TBCE: variants seen among roughly 807,000 people sequenced by gnomAD.
TBCE encodes the protein tubulin-specific chaperone E.
In TBCE, 53 loss-of-function variants were observed where a neutral mutation model predicts 77.0. The ratio of observed to expected loss-of-function variants is 0.69; its 90% CI spans 0.55 to 0.87. The LOEUF (loss-of-function observed/expected upper bound fraction) is 0.87, where lower values mean the gene tolerates loss of function less well. Among genes scored for constraint, TBCE ranks in the 40% least tolerant of loss-of-function variants. The pLI is 0.00. For missense variants in TBCE, 624 were observed against 622.4 expected, an observed-to-expected ratio of 1.00 and a Z score of -0.03; for synonymous variants, 235 against 241.3, an observed-to-expected ratio of 0.97 and a Z score of 0.24.
intron 15 of TBCE, 95 bp downstream of exon 15, chr1:235,443,006 T>C: frequency 8.1e-7 from 1 of 1,233,206 alleles, no homozygotes. Context: ...TGTCTCAAAG[T>C]GTGGACCTCA....
chr1:235,450,139 C>T lies in TBCE; in HGVS notation c.*1377C>T. Reference sequence around the variant, plus strand: ...CAGTCTACTGCTAAACCCTGGGACTCCTCAGACTTGCACTCAGATTATCGT... The same window carrying T: ...CAGTCTACTGCTAAACCCTGGGACTTCTCAGACTTGCACTCAGATTATCGT... On this transcript the variant is annotated 3_prime_UTR_variant, in exon 17 of 17. Coordinates refer to ENST00000642610, the MANE Select transcript of TBCE (RefSeq NM_003193.5). 1 of 1,583,404 alleles carries T rather than the reference C, an allele frequency of 6.3e-7. No homozygotes were observed. Among genetic ancestry groups the T allele is most frequent in the Admixed American group, 1.7e-5 (1 of 59,906 alleles).
Position 235,430,776 on chromosome 1 carries a change from T to A in TBCE, c.632T>A (p.Leu211His). 6.2e-7 allele frequency: 1 copy of A among 1,613,714 alleles called. No individual in the cohort carries two copies. ...GTLSVLKVLVLNQTGITWAEV... is the reference protein window; with the variant it reads ...GTLSVLKVLVHNQTGITWAEV... Reference sequence around the variant, plus strand: ...CTTTCTGTACTGAAGGTTTTAGTCCTCAATCAAACAGGAATAACGTGGGCT... The same window carrying A: ...CTTTCTGTACTGAAGGTTTTAGTCCACAATCAAACAGGAATAACGTGGGCT... Residue 211 changes from leucine (L) to histidine (H), a missense_variant, in exon 7 of 17, where the codon CTC (leucine) becomes CAC (histidine). Transcript: ENST00000642610.
At chr1:235,439,095 G>A in intron 13 of TBCE, 173 bp downstream of exon 13, 1 of 776,572 alleles carries the variant, frequency 1.3e-6, no homozygotes, top group Non-Finnish European at 2.1e-6. Flanking sequence ...GGGCGGCAGG[G>A]CAAGAGCAGT....
chr1:235,388,344 A>C (rs566817027), intron 2 of TBCE, among the ~76,000 whole-genome samples: 78 of 140,100 alleles, frequency 5.6e-4, no homozygotes, highest in Non-Finnish European at 7.8e-4. Flanking sequence ...GCTGGAGTGC[A>C]ATGGCATGAT....
chr1:235,444,955 C>T (rs1682145642), intron 15 of TBCE, among the ~76,000 whole-genome samples: 1 of 152,240 alleles, frequency 6.6e-6, no homozygotes, highest in Non-Finnish European at 1.5e-5. Context: ...GTGACAGTGC[C>T]GCCTTACCCT....
At position 235,384,718 on chromosome 1, in the gene TBCE, T is replaced by A. The variant is rs1677886659; in HGVS notation, c.100+4569T>A. ...TGATTCTTCTCTCTTTTCTTTTTAT[T>A]AGTCTTGCTAGCGGTCTATCAATTT... On this transcript the variant is annotated intron_variant, in intron 2 of 16. Coordinates refer to ENST00000642610, the MANE Select transcript of TBCE (RefSeq NM_003193.5). 2.6e-5 allele frequency among the ~76,000 whole-genome samples: 4 copies of A among 152,186 alleles called. No homozygotes were observed. The South Asian group carries it at 8.3e-4, about 31-fold the overall frequency.
At chr1:235,419,435 G>C (rs761206676) in intron 4 of TBCE, 38 bp from the exon 5 acceptor site, 1 of 1,613,784 alleles carries the variant, frequency 6.2e-7, no homozygotes, top group Non-Finnish European at 8.5e-7. Context: ...GATAGCATAC[G>C]TGCTTATGTA....
chr1:235,389,102 C>A (rs993083647), intron 2 of TBCE, among the ~76,000 whole-genome samples: 1 of 152,140 alleles, frequency 6.6e-6, no homozygotes, highest in African/African-American at 2.4e-5. Flanking sequence ...GGAGATAAGT[C>A]CCAATTCTTG....
At chr1:235,413,187 C>G (rs1257233946) in intron 3 of TBCE, among the ~76,000 whole-genome samples, 1 of 151,970 alleles carries the variant, frequency 6.6e-6, no homozygotes, top group African/African-American at 2.4e-5. Context: ...GAGATGTTGT[C>G]TCTTAAAAAA....
chr1:235,415,778 T>C (rs1680073862), intron 4 of TBCE: 1 of 152,038 alleles, frequency 6.6e-6, no homozygotes, highest in African/African-American at 2.4e-5. Context: ...ACAAATGGAC[T>C]GTTCTTTATA....
At chr1:235,444,698 C>A (rs765838320) in intron 15 of TBCE, among the ~76,000 whole-genome samples, 23 of 152,262 alleles carry the variant, frequency 1.5e-4, no homozygotes, top group Non-Finnish European at 2.2e-4. Flanking sequence ...AGCCACCATG[C>A]CTGGCAGGCC....
intron 4 of TBCE, chr1:235,414,974 T>G (rs1323806228): frequency 1.2e-5 from 4 of 334,762 alleles, no homozygotes; most frequent in African/African-American, 8.6e-5. Context: ...GTCTGAATTG[T>G]TCCCTATGCC....
At chr1:235,392,400 A>ATTT (rs557817776) in intron 2 of TBCE, among the ~76,000 whole-genome samples, 13 of 54,026 alleles carry the variant, frequency 2.4e-4, no homozygotes, top group Non-Finnish European at 4.0e-4. Context: ...GCTGAACAGA[A>ATTT]TTTTTTTTTT....
chr1:235,375,840 C>G (rs1335199462), intron 1 of TBCE, among the ~76,000 whole-genome samples: 1 of 151,766 alleles, frequency 6.6e-6, no homozygotes, highest in African/African-American at 2.4e-5. Context: ...GTCAGGAGTT[C>G]GAGACCAGCC....
At chr1:235,376,857 C>G (rs1282150344) in intron 1 of TBCE, among the ~76,000 whole-genome samples, 1 of 151,970 alleles carries the variant, frequency 6.6e-6, no homozygotes, top group Non-Finnish European at 1.5e-5. Context: ...GCCTGTAATC[C>G]CAGTTACTCA....
At chr1:235,446,925 T>TCTGC (rs916404725) in intron 15 of TBCE, among the ~76,000 whole-genome samples, 2 of 152,098 alleles carry the variant, frequency 1.3e-5, no homozygotes, top group African/African-American at 4.8e-5. Flanking sequence ...CTCTGATCCC[T>TCTGC]CTGCCTCCCA....
Position 235,390,578 on chromosome 1 carries a change from C to A in TBCE, c.100+10429C>A, listed in dbSNP as rs1186063931. The stretch of plus-strand genomic sequence containing the variant: ...ACCAGCCTGACCAACATGGTGAAAC[C>A]CTGTCTCTACTAAAAATACAAAAAA... On this transcript the variant is annotated intron_variant, in intron 2 of 16. Coordinates refer to ENST00000642610, the MANE Select transcript of TBCE (RefSeq NM_003193.5). Among the ~76,000 whole-genome samples, 3 of 151,932 alleles carry A rather than the reference C, an allele frequency of 2.0e-5. No individual in the cohort carries two copies. In the East Asian group the frequency reaches 5.8e-4, roughly 29 times the overall value.
At chr1:235,402,814 A>G (rs1572368770) in intron 3 of TBCE, among the ~76,000 whole-genome samples, 1 of 152,022 alleles carries the variant, frequency 6.6e-6, no homozygotes, top group South Asian at 2.1e-4. Context: ...AAAATAAAAA[A>G]GAGATGAAGT....
At position 235,451,174 on chromosome 1, in the gene TBCE, C is replaced by A. The variant is rs1333519639; in HGVS notation, c.*2412C>A. ...ACACAGAGCTAGGATCTCTGAGGGG[C>A]CACAGCCTCAGGGGTGATAAAACAA... On this transcript the variant is annotated 3_prime_UTR_variant, in exon 17 of 17. Transcript: ENST00000642610. The A allele has an allele frequency of 6.6e-6, 1 of 152,052 alleles. No homozygotes were observed. The highest frequency in any genetic ancestry group is 1.5e-5 in the Non-Finnish European group (1 of 68,026). 9.4% of individuals were successfully genotyped at this position (152,052 alleles called of 1,614,324 possible).
Sources: allele counts gnomAD v4.1 joint callset (sites outside exome capture counted in the v4.1 genomes callset), GRCh38; gene constraint gnomAD v4.1.1; transcripts MANE v1.5; gene names NCBI Gene and HGNC (gene_info 2026-07-23, HGNC 2026-07-21).